The following KPNA6 variants were observed in gnomAD, a reference collection of about 807,000 sequenced individuals.
KPNA6 encodes importin subunit alpha-7.
A neutral mutation model predicts 72.0 loss-of-function variants in KPNA6; 9 were observed. That is an observed-to-expected ratio of 0.13 (90% confidence interval 0.08 to 0.22). The LOEUF is 0.22. KPNA6 is among the 10% of genes least tolerant of loss of function. The pLI is 1.00. For missense variants in KPNA6, 374 were observed against 655.7 expected (o/e 0.57, Z 4.69); for synonymous variants, 219 against 242.1 (o/e 0.90, Z 0.89).
chr1:32,173,309 G>A lies in KPNA6; in HGVS notation c.*2415G>A. On this transcript the variant is annotated 3_prime_UTR_variant, in exon 14 of 14. Transcript: ENST00000373625. ...CCCTGATACAGGGACCAGTTTCTTAGTGTAAGACATACACATCCTGCTTGT... is the reference window on the plus strand; with the variant it reads ...CCCTGATACAGGGACCAGTTTCTTAATGTAAGACATACACATCCTGCTTGT... 1 of 388,370 alleles carries A rather than the reference G, an allele frequency of 2.6e-6. No homozygotes were observed. The highest frequency in any genetic ancestry group is 4.5e-6 in the Non-Finnish European group (1 of 220,378). The allele number at this position is 388,370 out of a possible 1,614,324, so 24.1% of individuals were successfully genotyped here.
At chr1:32,170,366 T>C (rs1388050457) in intron 13 of KPNA6, among the ~76,000 whole-genome samples, 1 of 152,048 alleles carries the variant, frequency 6.6e-6, no homozygotes, top group African/African-American at 2.4e-5. Flanking sequence ...TTCTAAGGAG[T>C]GATAGGTCAG....
At chr1:32,157,219 C>T in intron 3 of KPNA6, 127 bp from the exon 4 acceptor site, 2 of 679,924 alleles carry the variant, frequency 2.9e-6, no homozygotes, top group Non-Finnish European at 5.1e-6. Context: ...CAGACCCCTT[C>T]TCCTGAGCCT....
At chr1:32,121,902 G>A (rs1049652290) in intron 1 of KPNA6, among the ~76,000 whole-genome samples, 1 of 152,126 alleles carries the variant, frequency 6.6e-6, no homozygotes, top group African/African-American at 2.4e-5. Context: ...GAACCCGGGA[G>A]GCAGAGGTTG....
At chr1:32,119,032 A>ATATATATTTTTTT (rs1167325052) in intron 1 of KPNA6, among the ~76,000 whole-genome samples, 1 of 40,272 alleles carries the variant, frequency 2.5e-5, no homozygotes, top group African/African-American at 1.0e-4. Flanking sequence ...ATATATATAT[A>ATATATATTTTTTT]TTTTTTTTTT....
At position 32,163,266 on chromosome 1, in the gene KPNA6, C is replaced by G. The variant is rs1384318380; in HGVS notation, c.943C>G (p.Leu315Val). 5.0e-6 allele frequency: 8 copies of G among 1,613,458 alleles called. No individual in the cohort carries two copies. The South Asian group carries it at 8.8e-5, about 18-fold the overall frequency. Residue 315 changes from leucine (L) to valine (V), a missense_variant, in exon 10 of 14, where the codon CTG becomes GTG. Around this residue, in one of 3 missense-constraint regions of KPNA6, gnomAD observed 298 missense variants for 495.4 expected, o/e 0.60. Transcript: ENST00000373625. ...TGATTACAAAGTGGCTTCTCCTGCCCTGAGAGCCGTGGGTAACATCGTCAC... is the reference window on the plus strand; with the variant it reads ...TGATTACAAAGTGGCTTCTCCTGCCGTGAGAGCCGTGGGTAACATCGTCAC... Reference protein sequence around the residue: ...HNDYKVASPALRAVGNIVTGD... With the variant: ...HNDYKVASPAVRAVGNIVTGD...
At chr1:32,135,986 G>A (rs1472415690) in intron 1 of KPNA6, among the ~76,000 whole-genome samples, 1 of 152,064 alleles carries the variant, frequency 6.6e-6, no homozygotes, top group Non-Finnish European at 1.5e-5. Flanking sequence ...TCTGCACAAA[G>A]AGATAGGATC....
intron 1 of KPNA6, among the ~76,000 whole-genome samples, chr1:32,145,481 T>C (rs1329346908): frequency 6.6e-6 from 1 of 151,842 alleles, no homozygotes; most frequent in Non-Finnish European, 1.5e-5. Flanking sequence ...CCCGCCACCA[T>C]GCCTGGCTAA....
chr1:32,109,329 C>T (rs1448199915), intron 1 of KPNA6, among the ~76,000 whole-genome samples: 2 of 151,922 alleles, frequency 1.3e-5, no homozygotes, highest in Admixed American at 1.3e-4. Context: ...ACCACCACGC[C>T]CGGCTGATTT....
chr1:32,166,324 CTT>C (rs2124090606), intron 11 of KPNA6, 94 bp downstream of exon 11: 1 of 1,455,842 alleles, frequency 6.9e-7, no homozygotes, highest in East Asian at 2.5e-5. Flanking sequence ...ATTTGTTTCC[CTT>C]TAAAAATAGG....
chr1:32,143,887 A>G (rs979647519), intron 1 of KPNA6, among the ~76,000 whole-genome samples: 1 of 152,168 alleles, frequency 6.6e-6, no homozygotes, highest in Admixed American at 6.5e-5. Flanking sequence ...TCAAGGTTCA[A>G]TCATGTTGTA....
intron 1 of KPNA6, among the ~76,000 whole-genome samples, chr1:32,143,341 C>T (rs1319853624): frequency 2.6e-5 from 4 of 151,916 alleles, no homozygotes; most frequent in Admixed American, 2.0e-4. Flanking sequence ...GCTGGCAGTA[C>T]AGGCCTGAGC....
intron 13 of KPNA6, 36 bp from the exon 14 acceptor site, chr1:32,170,671 C>T: frequency 6.3e-7 from 1 of 1,584,914 alleles, no homozygotes; most frequent in Non-Finnish European, 8.6e-7. Flanking sequence ...TAGAAAAGCA[C>T]TCACACTTCC....
Position 32,123,850 on chromosome 1 carries a change from A to G in KPNA6, c.4+15716A>G, listed in dbSNP as rs188654734. Among the ~76,000 whole-genome samples the G allele has an allele frequency of 1.2e-3, 180 of 151,780 alleles. 1 individual carries two copies. Among genetic ancestry groups the G allele is most frequent in the Admixed American group, 8.1e-3 (123 of 15,214 alleles). On this transcript the variant is annotated intron_variant, in intron 1 of 13. Coordinates refer to ENST00000373625, the MANE Select transcript of KPNA6 (RefSeq NM_012316.5). ...AGAGATTGAGACCATCCTGGCCAAC[A>G]TGGTGAAACCCCATCTCTACTAAAA...
At chr1:32,151,959 A>G (rs1339147097) in intron 1 of KPNA6, among the ~76,000 whole-genome samples, 4 of 152,256 alleles carry the variant, frequency 2.6e-5, no homozygotes, top group African/African-American at 9.6e-5. Flanking sequence ...ACATAAAGCA[A>G]AATTAAACTA....
At chr1:32,126,378 T>G (rs1198782139) in intron 1 of KPNA6, among the ~76,000 whole-genome samples, 1 of 138,548 alleles carries the variant, frequency 7.2e-6, no homozygotes, top group Non-Finnish European at 1.5e-5. Context: ...GCAGAAGTCA[T>G]CAGCATTTGT....
chr1:32,141,375 C>CTT lies in KPNA6; in HGVS notation c.5-13174_5-13173dup, dbSNP rs71006334. On this transcript the variant is annotated intron_variant, in intron 1 of 13. Coordinates refer to ENST00000373625, the MANE Select transcript of KPNA6 (RefSeq NM_012316.5). ...AGGGCTTTTTTTTTTTAAGTTAATCCTTTTTTTTTTTTTTTTTTTTTTTTT... is the reference window on the plus strand; with the variant it reads ...AGGGCTTTTTTTTTTTAAGTTAATCCTTTTTTTTTTTTTTTTTTTTTTTTTTT... Among the ~76,000 whole-genome samples, 154 of 54,444 alleles carry CTT rather than the reference C, an allele frequency of 2.8e-3. 43 individuals are homozygous for CTT. The highest frequency in any genetic ancestry group is 3.9e-3 in the Non-Finnish European group (98 of 25,154). The allele number at this position is 54,444 out of a possible 152,430, so 35.7% of individuals were successfully genotyped here.
intron 10 of KPNA6, among the ~76,000 whole-genome samples, chr1:32,163,999 C>T (rs997593381): frequency 6.6e-6 from 1 of 152,166 alleles, no homozygotes; most frequent in Admixed American, 6.5e-5. Context: ...TGCCACTAGC[C>T]AGCTACAGAA....
intron 1 of KPNA6, among the ~76,000 whole-genome samples, chr1:32,149,553 A>G (rs1283659699): frequency 6.6e-6 from 1 of 152,154 alleles, no homozygotes; most frequent in South Asian, 2.1e-4. Flanking sequence ...TATTCCGCGA[A>G]TGGGCCATGC....
At chr1:32,144,908 A>G (rs1641903573) in intron 1 of KPNA6, among the ~76,000 whole-genome samples, 1 of 150,794 alleles carries the variant, frequency 6.6e-6, no homozygotes, top group South Asian at 2.1e-4. Context: ...AGCCTCCCAA[A>G]GTGTTGGAAT....
Sources: allele counts gnomAD v4.1 joint callset (sites outside exome capture counted in the v4.1 genomes callset), GRCh38; gene constraint gnomAD v4.1.1; regional missense constraint gnomAD v4.1.1; transcripts MANE v1.5; gene names NCBI Gene and HGNC (gene_info 2026-07-23, HGNC 2026-07-21).